LRRC9: variants seen among roughly 807,000 people sequenced by gnomAD.
The protein encoded by LRRC9 is leucine-rich repeat-containing protein 9.
LRRC9 carries 122 observed loss-of-function variants against 63.2 expected under a neutral mutation model. That is an observed-to-expected ratio of 1.93 (90% confidence interval 1.67 to 2.24). The LOEUF (loss-of-function observed/expected upper bound fraction) is 2.24. LRRC9 is among the 30% of genes most tolerant of loss of function. The pLI is 0.00. For missense variants in LRRC9, 1,071 were observed against 627.7 expected, an observed-to-expected ratio of 1.71 and a Z score of -7.55; for synonymous variants, 366 against 213.1, an observed-to-expected ratio of 1.72 and a Z score of -6.25.
rs921941664 is a variant in LRRC9, at chr14:60,061,988, AAATTTCT to A, written c.4277-1321_4277-1315del. The A allele has an allele frequency of 2.8e-5, 11 of 398,556 alleles. No individual in the cohort carries two copies. The South Asian group carries it at 3.8e-4, about 14-fold the overall frequency. 24.7% of individuals were successfully genotyped at this position (398,556 alleles called of 1,614,324 possible). On this transcript the variant is annotated intron_variant, in intron 31 of 31. Transcript: ENST00000445360. ...CATTGTTTCATAATTTTAATTTTTC[AAATTTCT>A]AATTTCTAATTTCAGACAAAAAAAA...
chr14:59,965,974 A>G (rs962126594), intron 10 of LRRC9, among the ~76,000 whole-genome samples: 1 of 147,460 alleles, frequency 6.8e-6, no homozygotes, highest in Non-Finnish European at 1.5e-5. Flanking sequence ...GACTTAAGCT[A>G]TCAGTTAAAT....
In LRRC9 at chr14:60,019,393, T is replaced by C. The variant is rs965270878; in HGVS notation, c.3566+133T>C. Reference sequence around the variant, plus strand: ...TTATTGTAATACCTATTTTATTTAATAGCTACATGCCAAAAATAAACTTCA... The same window carrying C: ...TTATTGTAATACCTATTTTATTTAACAGCTACATGCCAAAAATAAACTTCA... On this transcript the variant is annotated intron_variant, in intron 26 of 31. Coordinates refer to ENST00000445360, the Ensembl canonical transcript of LRRC9. 10 of 481,568 alleles carry C rather than the reference T, an allele frequency of 2.1e-5. No homozygotes were observed. The East Asian group carries it at 3.2e-4, about 16-fold the overall frequency. 29.8% of individuals were successfully genotyped at this position (481,568 alleles called of 1,614,324 possible). A position where few individuals can be genotyped will look rare whatever the true frequency, so the allele number is the denominator to read the frequency against.
chr14:59,977,449 G>T (rs1274600658), intron 14 of LRRC9, 102 bp downstream of exon 14: 2 of 556,214 alleles, frequency 3.6e-6, no homozygotes, highest in Non-Finnish European at 6.3e-6. Flanking sequence ...AACAAAGTTT[G>T]TAGAATTTTC....
At chr14:59,945,267 C>T (rs1288607533) in intron 8 of LRRC9, among the ~76,000 whole-genome samples, 2 of 151,524 alleles carry the variant, frequency 1.3e-5, no homozygotes, top group African/African-American at 4.8e-5. Context: ...ATTTCTTTTA[C>T]TAAAAGTAGA....
chr14:59,944,104 T>C (rs1432134293), intron 7 of LRRC9, among the ~76,000 whole-genome samples: 2 of 152,010 alleles, frequency 1.3e-5, no homozygotes, highest in Non-Finnish European at 2.9e-5. Context: ...TTTAGTAATT[T>C]GCTCAGCCTA....
At chr14:59,928,359 T>G in exon 3 of LRRC9, 1 of 694,020 alleles carries the variant, frequency 1.4e-6, no homozygotes, top group Non-Finnish European at 2.6e-6. Flanking sequence ...TATCCTCGTA[T>G]AGTTGGATTA....
rs560689312 is a variant in LRRC9 at position 60,052,079 on chromosome 14, C to A, written c.3991-986C>A. ...CTGAGTTCACTCACTGCTTTCACTC[C>A]TCTCTGGGAGTGCTGCAGACTGCAG... On this transcript the variant is annotated intron_variant, in intron 29 of 31. Transcript: ENST00000445360. Among the ~76,000 whole-genome samples, 10 of 152,310 alleles carry A rather than the reference C, an allele frequency of 6.6e-5. No homozygotes were observed. In the South Asian group the frequency reaches 2.1e-3, roughly 32 times the overall value.
At chr14:60,035,514 G>T (rs1892357487) in intron 29 of LRRC9, among the ~76,000 whole-genome samples, 1 of 152,082 alleles carries the variant, frequency 6.6e-6, no homozygotes, top group Admixed American at 6.6e-5. Context: ...TTTTTATTTT[G>T]TATATAGTGA....
rs1169516955 is a variant in LRRC9 at position 59,986,919 on chromosome 14, A to G, written c.2211+1695A>G. 6.6e-6 allele frequency among the ~76,000 whole-genome samples: 1 copy of G among 152,170 alleles called. No homozygotes were observed. The highest frequency in any genetic ancestry group is 2.4e-5 in the African/African-American group (1 of 41,452). On this transcript the variant is annotated intron_variant, in intron 17 of 31. Coordinates refer to ENST00000445360, the Ensembl canonical transcript of LRRC9. The surrounding 1 kb of genome is among the most constrained non-coding windows in gnomAD (Gnocchi z 4.7). ...AAGGTGGCTAGCTATAGACCTTTCA[A>G]ATGTCAAGTCTCTAAAAATGACTCT...
At chr14:59,977,935 T>C (rs1886489538) in intron 14 of LRRC9, 82 bp from the exon 15 acceptor site, 3 of 581,674 alleles carry the variant, frequency 5.2e-6, no homozygotes, top group Non-Finnish European at 9.3e-6. Context: ...AGTTTGTTAA[T>C]TATTAAACTA....
At chr14:59,968,628 G>T (rs555756067) in intron 12 of LRRC9, among the ~76,000 whole-genome samples, 2 of 152,264 alleles carry the variant, frequency 1.3e-5, no homozygotes, top group African/African-American at 4.8e-5. Context: ...TGTACTTTAT[G>T]GAGAAGTAAG....
At chr14:60,063,297 G>A (rs543157256) in intron 31 of LRRC9, 26 bp from the exon 33 acceptor site, 1 of 698,176 alleles carries the variant, frequency 1.4e-6, no homozygotes, top group Admixed American at 2.0e-5. Context: ...ACCACTATTT[G>A]ACTAATTAAA....
At chr14:59,988,019 T>A (rs1355529723) in intron 17 of LRRC9, among the ~76,000 whole-genome samples, 1 of 152,230 alleles carries the variant, frequency 6.6e-6, no homozygotes. Context: ...TTATATTCAA[T>A]CCATTGTAAT....
At chr14:60,066,797 A>C (rs141110898), downstream of LRRC9, among the ~76,000 whole-genome samples, 156 of 152,290 alleles carry the variant, frequency 1.0e-3, 3 homozygotes, top group East Asian at 0.029. Context: ...TCCATTGTGA[A>C]TAAAATTGTT....
At position 60,058,796 on chromosome 14, in the gene LRRC9, A is replaced by G. The variant is rs1012199069; in HGVS notation, c.4276+774A>G. On this transcript the variant is annotated intron_variant, in intron 31 of 31. Coordinates refer to ENST00000445360, the Ensembl canonical transcript of LRRC9. This position sits in a 1 kb window ranked among gnomAD's most constrained non-coding sequence, Gnocchi z 4.4. ...ATGATCTAAGAGCCTCCTATAAAAA[A>G]AAGTAGACTGTTCCATGTGATTAAA... Among the ~76,000 whole-genome samples the G allele has an allele frequency of 2.0e-5, 3 of 152,200 alleles. No homozygotes were observed. The highest frequency in any genetic ancestry group is 4.4e-5 in the Non-Finnish European group (3 of 68,006).
intron 29 of LRRC9, among the ~76,000 whole-genome samples, chr14:60,050,393 ATGT>A (rs1458719734): frequency 2.0e-5 from 3 of 152,108 alleles, no homozygotes; most frequent in African/African-American, 4.8e-5. Flanking sequence ...TAAAGTTCTC[ATGT>A]TGTGTTTTTC....
rs1893019683 is a variant in LRRC9 at position 60,042,299 on chromosome 14, C to A, written c.3990+10236C>A. On this transcript the variant is annotated intron_variant, in intron 29 of 31. Coordinates refer to ENST00000445360, the Ensembl canonical transcript of LRRC9. The surrounding 1 kb of genome is among the most constrained non-coding windows in gnomAD (Gnocchi z 4.2). ...AGCTGTCAGATAGGGACGTTTAAGTCTGCAGAAGTTTCTGCTGCCTGTTGT... is the reference window on the plus strand; with the variant it reads ...AGCTGTCAGATAGGGACGTTTAAGTATGCAGAAGTTTCTGCTGCCTGTTGT... Among the ~76,000 whole-genome samples the A allele has an allele frequency of 6.6e-6, 1 of 152,236 alleles. No homozygotes were observed. The highest frequency in any genetic ancestry group is 6.5e-5 in the Admixed American group (1 of 15,280).
At chr14:60,012,788 C>G (rs897947998) in intron 23 of LRRC9, among the ~76,000 whole-genome samples, 2 of 152,120 alleles carry the variant, frequency 1.3e-5, no homozygotes, top group African/African-American at 4.8e-5. Flanking sequence ...CTGACTGACT[C>G]TTTACAGGAA....
intron 16 of LRRC9, among the ~76,000 whole-genome samples, chr14:59,982,527 C>T (rs929243123): frequency 4.6e-5 from 7 of 152,070 alleles, no homozygotes; most frequent in African/African-American, 1.7e-4. Flanking sequence ...AAGGCAAGAG[C>T]AAGAGAGCCA....
Sources: allele counts gnomAD v4.1 joint callset (sites outside exome capture counted in the v4.1 genomes callset), GRCh38; gene constraint gnomAD v4.1.1; non-coding constraint Gnocchi (gnomAD v3.1); transcripts MANE v1.5; gene names NCBI Gene and HGNC (gene_info 2026-07-23, HGNC 2026-07-21).